Variants in FSTL4 observed in about 807,000 individuals in gnomAD.
The protein encoded by FSTL4 is follistatin like 4, also known as follistatin-related protein 4.
FSTL4 carries 28 observed loss-of-function variants against 78.2 expected under a neutral mutation model. That is an observed-to-expected ratio of 0.36 (90% CI 0.27 to 0.49). The LOEUF is 0.49. FSTL4 is among the 20% of genes least tolerant of loss of function. The probability of loss-of-function intolerance (pLI) is 0.98; values close to 1 mark genes in which losing one functional copy is unlikely to be tolerated. For missense variants in FSTL4, 922 were observed against 1,084.9 expected (o/e 0.85, Z 2.11); for synonymous variants, 422 against 440.5 (o/e 0.96, Z 0.53).
intron 3 of FSTL4, among the ~76,000 whole-genome samples, chr5:133,508,611 G>A (rs1307687939): frequency 2.6e-5 from 4 of 152,162 alleles, no homozygotes. Context: ...TGCAGCACAT[G>A]ACTAAGTAAT....
At chr5:133,646,078 G>T in the FSTL4 span, among the ~76,000 whole-genome samples, 2 of 152,276 alleles carry the variant, frequency 1.3e-5, no homozygotes, top group East Asian at 3.9e-4. Flanking sequence ...TGCAGTCCAG[G>T]AGAGCAAACA....
At chr5:133,726,068 T>C in the FSTL4 span, among the ~76,000 whole-genome samples, 3 of 152,190 alleles carry the variant, frequency 2.0e-5, no homozygotes, top group Admixed American at 6.5e-5. Flanking sequence ...GAACGCTGGG[T>C]GATCCTGCTG....
intron 6 of FSTL4, among the ~76,000 whole-genome samples, chr5:133,305,463 C>T (rs1005953146): frequency 2.6e-5 from 4 of 152,234 alleles, no homozygotes; most frequent in Admixed American, 2.6e-4. Flanking sequence ...TTTTCCTCAC[C>T]CTCTGCCTAG....
chr5:133,237,953 T>C (rs2126808224), intron 7 of FSTL4, among the ~76,000 whole-genome samples: 1 of 152,292 alleles, frequency 6.6e-6, no homozygotes, highest in South Asian at 2.1e-4. Context: ...TTTGTATTGA[T>C]GCATATCTGT....
rs747966488 is a variant in FSTL4 at position 133,233,554 on chromosome 5, T to A, written c.895-17A>T. On this transcript the variant is annotated splice_polypyrimidine_tract_variant and intron_variant, in intron 7 of 15. Transcript: ENST00000265342. ...TCCAAAGTCCTGCACAGGGCAAAGA[T>A]GACGATGAGACTGGCCTCTTTATTG... is the stretch of plus-strand genomic sequence containing the variant. The A allele has an allele frequency of 2.5e-6, 4 of 1,581,454 alleles. No individual in the cohort carries two copies. The African/African-American group carries it at 6.1e-5, about 24-fold the overall frequency.
chr5:133,825,762 G>A, the FSTL4 span, among the ~76,000 whole-genome samples: 2 of 152,186 alleles, frequency 1.3e-5, no homozygotes, highest in Admixed American at 6.5e-5. Context: ...AGGTTGGTCC[G>A]GCCCTGTCTG....
chr5:133,373,664 C>A (rs1755369763), intron 4 of FSTL4, among the ~76,000 whole-genome samples: 1 of 152,152 alleles, frequency 6.6e-6, no homozygotes, highest in Non-Finnish European at 1.5e-5. Flanking sequence ...CAGACCCCAC[C>A]AAACCTACCC....
chr5:133,320,239 C>A (rs554954764), intron 4 of FSTL4, among the ~76,000 whole-genome samples: 1 of 152,200 alleles, frequency 6.6e-6, no homozygotes, highest in Non-Finnish European at 1.5e-5. Context: ...CACAGCTGGC[C>A]TTGGCTTCCA....
At chr5:133,491,394 A>T (rs1462099601) in intron 3 of FSTL4, among the ~76,000 whole-genome samples, 4 of 147,256 alleles carry the variant, frequency 2.7e-5, no homozygotes, top group Non-Finnish European at 3.0e-5. Context: ...ACTACAAACA[A>T]TTTTTTCTTT....
intron 3 of FSTL4, among the ~76,000 whole-genome samples, chr5:133,465,037 T>C (rs977417968): frequency 5.3e-5 from 8 of 152,192 alleles, no homozygotes; most frequent in Non-Finnish European, 8.8e-5. Context: ...GATTCATGCA[T>C]GCAGTCACTT....
At chr5:133,376,042 G>A (rs1370226882) in intron 4 of FSTL4, among the ~76,000 whole-genome samples, 1 of 152,160 alleles carries the variant, frequency 6.6e-6, no homozygotes, top group Non-Finnish European at 1.5e-5. Context: ...TTTCCAACAG[G>A]TTGTGTGTAT....
intron 3 of FSTL4, among the ~76,000 whole-genome samples, chr5:133,504,593 G>A (rs1011835804): frequency 6.6e-6 from 1 of 152,120 alleles, no homozygotes; most frequent in African/African-American, 2.4e-5. Flanking sequence ...CTGGGACTCT[G>A]AGCGACCTAG....
the FSTL4 span, among the ~76,000 whole-genome samples, chr5:133,808,088 G>A: frequency 3.3e-5 from 5 of 152,290 alleles, no homozygotes; most frequent in East Asian, 1.9e-4. Context: ...AGAACTTCAC[G>A]TTTCTAAGGC....
At chr5:133,527,640 G>A (rs1759164212) in intron 3 of FSTL4, among the ~76,000 whole-genome samples, 1 of 152,226 alleles carries the variant, frequency 6.6e-6, no homozygotes, top group Non-Finnish European at 1.5e-5. Flanking sequence ...ACAGCTGAGG[G>A]AACTCAGAGT....
At chr5:133,221,158 T>G (rs1429857998) in intron 11 of FSTL4, among the ~76,000 whole-genome samples, 1 of 152,242 alleles carries the variant, frequency 6.6e-6, no homozygotes, top group African/African-American at 2.4e-5. Context: ...GGCTTTGATG[T>G]ACATTTGACC....
the FSTL4 span, among the ~76,000 whole-genome samples, chr5:133,680,445 C>T: frequency 6.6e-6 from 1 of 152,224 alleles, no homozygotes; most frequent in Non-Finnish European, 1.5e-5. Flanking sequence ...CTCATACCCC[C>T]TCCTTCTGTG....
chr5:133,553,091 G>A (rs547003296), intron 3 of FSTL4, among the ~76,000 whole-genome samples: 4 of 152,244 alleles, frequency 2.6e-5, no homozygotes, highest in Admixed American at 2.0e-4. Context: ...CCTGGAAAAC[G>A]TAACTCTCCC....
intron 6 of FSTL4, among the ~76,000 whole-genome samples, chr5:133,259,762 A>C (rs1752474644): frequency 6.6e-6 from 1 of 151,846 alleles, no homozygotes. Context: ...GTGACTGTGG[A>C]GATGAAGAGG....
intron 3 of FSTL4, among the ~76,000 whole-genome samples, chr5:133,474,373 A>AC (rs1050115125): frequency 5.3e-5 from 8 of 151,814 alleles, no homozygotes; most frequent in African/African-American, 1.9e-4. Flanking sequence ...AGAGCACAGC[A>AC]CCCCCCGGAA....
Sources: gnomAD v4.1 joint callset for allele counts (sites outside exome capture counted in the v4.1 genomes callset) on GRCh38, gnomAD v4.1.1 for gene constraint, MANE v1.5 for transcripts, NCBI Gene and HGNC (gene_info 2026-07-23, HGNC 2026-07-21) for gene names.